The following CDH1 variants were observed in gnomAD, a reference collection of about 807,000 sequenced individuals.
CDH1 encodes the protein cadherin 1, also known as cadherin-1.
CDH1 carries 35 observed loss-of-function variants against 84.5 expected under a neutral mutation model. The ratio of observed to expected loss-of-function variants is 0.41; its 90% CI spans 0.32 to 0.55. The LOEUF (loss-of-function observed/expected upper bound fraction) is 0.55, where lower values mean the gene tolerates loss of function less well. Ranked by LOEUF, CDH1 falls within the 20% of genes least tolerant of loss-of-function variation. CDH1 has a pLI of 0.19. For synonymous variants in CDH1, 417 were observed against 439.0 expected, an observed-to-expected ratio of 0.95 and a Z score of 0.63; for missense variants, 994 against 1,126.6, an observed-to-expected ratio of 0.88 and a Z score of 1.68.
chr16:68,773,337 C>T (rs955805245), intron 2 of CDH1, among the ~76,000 whole-genome samples: 1 of 150,258 alleles, frequency 6.7e-6, no homozygotes, highest in African/African-American at 2.5e-5. Context: ...TGCTCTGTCA[C>T]CCAGGCTGGA....
At chr16:68,822,261 C>T (rs1310244130) in intron 12 of CDH1, 36 bp downstream of exon 12, 3 of 1,407,894 alleles carry the variant, frequency 2.1e-6, no homozygotes, top group Admixed American at 1.7e-5. Flanking sequence ...AACTTTGCTC[C>T]AACTGCCATG....
At chr16:68,748,391 C>G (rs1040089463) in intron 2 of CDH1, among the ~76,000 whole-genome samples, 2 of 152,210 alleles carry the variant, frequency 1.3e-5, no homozygotes, top group Non-Finnish European at 2.9e-5. Context: ...GAGGCGTGAG[C>G]CACCATGTCC....
At position 68,762,912 on chromosome 16, in the gene CDH1, C is replaced by CA. The variant is rs55899466; in HGVS notation, c.163+24532dup. Among the ~76,000 whole-genome samples the CA allele has an allele frequency of 4.2e-3, 257 of 61,478 alleles. 16 individuals carry two copies. The highest frequency in any genetic ancestry group is 0.01 in the East Asian group (16 of 1,592). 40.3% of individuals were successfully genotyped at this position (61,478 alleles called of 152,430 possible). A position where few individuals can be genotyped will look rare whatever the true frequency, so the allele number is the denominator to read the frequency against. ...TCGGCAACAGAGCAAGATTCCGTCT[C>CA]AAAAAAAAAAAAAAAAAAAAAAAAA... is the stretch of plus-strand genomic sequence containing the variant. On this transcript the variant is annotated intron_variant, in intron 2 of 15. Coordinates refer to ENST00000261769, the MANE Select transcript of CDH1 (RefSeq NM_004360.5).
At chr16:68,797,453 C>T (rs371962495) in intron 2 of CDH1, among the ~76,000 whole-genome samples, 3 of 151,948 alleles carry the variant, frequency 2.0e-5, no homozygotes, top group African/African-American at 7.3e-5. Flanking sequence ...GAGGCCAAAG[C>T]GGGAAGATGG....
intron 2 of CDH1, among the ~76,000 whole-genome samples, chr16:68,756,593 A>T (rs751048930): frequency 1.3e-5 from 2 of 152,188 alleles, no homozygotes; most frequent in African/African-American, 4.8e-5. Flanking sequence ...GGTGACGTTC[A>T]TGTGGCTGGT....
chr16:68,769,299 A>C (rs1380200124), intron 2 of CDH1, among the ~76,000 whole-genome samples: 1 of 152,154 alleles, frequency 6.6e-6, no homozygotes, highest in Non-Finnish European at 1.5e-5. Flanking sequence ...TGTTTCATAC[A>C]GTTAGATTTA....
At chr16:68,808,214 G>A (rs111858802) in intron 3 of CDH1, among the ~76,000 whole-genome samples, 152 of 152,300 alleles carry the variant, frequency 1.0e-3, no homozygotes, top group African/African-American at 3.6e-3. Flanking sequence ...CAGTCTTTAC[G>A]ATATAGCAAA....
At chr16:68,822,272 C>A (rs2152138708) in intron 12 of CDH1, 47 bp downstream of exon 12, 3 of 1,267,330 alleles carry the variant, frequency 2.4e-6, no homozygotes, top group African/African-American at 1.5e-5. Flanking sequence ...AACTGCCATG[C>A]TTCCCTTCCC....
chr16:68,788,635 A>G (rs1960129985), intron 2 of CDH1, among the ~76,000 whole-genome samples: 1 of 152,072 alleles, frequency 6.6e-6, no homozygotes, highest in South Asian at 2.1e-4. Flanking sequence ...TACCCATCCT[A>G]ATTACTTTTT....
chr16:68,828,188 CT>C lies in CDH1; in HGVS notation c.2180del (p.Leu727ProfsTer43). ...ILALLILILL[L>X]LLFLRRRAVV... ...CACCATCCCAGTTCTGATTCTGCTGCTCTTGCTGTTTCTTCGGAGGAGAGCG... is the reference window on the plus strand; with the variant it reads ...CACCATCCCAGTTCTGATTCTGCTGCCTTGCTGTTTCTTCGGAGGAGAGCG... On this transcript the variant is annotated frameshift_variant, in exon 14 of 16. Coordinates refer to ENST00000261769, the MANE Select transcript of CDH1 (RefSeq NM_004360.5). LOFTEE classifies it high-confidence loss of function. The C allele has an allele frequency of 6.2e-7, 1 of 1,613,944 alleles. No homozygotes were observed. Among genetic ancestry groups the C allele is most frequent in the Non-Finnish European group, 8.5e-7 (1 of 1,179,892 alleles).
chr16:68,809,226 CT>C lies in CDH1; in HGVS notation c.687+394del, dbSNP rs536314715. Among the ~76,000 whole-genome samples the C allele has an allele frequency of 4.4e-3, 593 of 135,294 alleles. 1 individual carries two copies. Among genetic ancestry groups the C allele is most frequent in the Admixed American group, 4.5e-3 (61 of 13,424 alleles). The allele number at this position is 135,294 out of a possible 152,430, so 88.8% of individuals were successfully genotyped here. A position where few individuals can be genotyped will look rare whatever the true frequency, so the allele number is the denominator to read the frequency against. On this transcript the variant is annotated intron_variant, in intron 5 of 15. Transcript: ENST00000261769. ...CAAGAGCTTAGGAAAACCAAGAGGTCTTTTTTTTTTTTTTTTGAGATAGGGT... is the reference window on the plus strand; with the variant it reads ...CAAGAGCTTAGGAAAACCAAGAGGTCTTTTTTTTTTTTTTTGAGATAGGGT...
chr16:68,813,602 G>A, intron 9 of CDH1, 107 bp downstream of exon 9: 2 of 1,124,962 alleles, frequency 1.8e-6, no homozygotes, highest in Non-Finnish European at 2.7e-6. Flanking sequence ...CAGGGGGACA[G>A]GGTGACTTTC....
intron 2 of CDH1, among the ~76,000 whole-genome samples, chr16:68,741,695 T>C (rs1289565655): frequency 6.6e-6 from 1 of 152,070 alleles, no homozygotes; most frequent in Non-Finnish European, 1.5e-5. Context: ...AGTTTTTGTT[T>C]TGAGACGGAG....
At chr16:68,789,125 G>A (rs1960144450) in intron 2 of CDH1, among the ~76,000 whole-genome samples, 2 of 152,156 alleles carry the variant, frequency 1.3e-5, no homozygotes, top group Admixed American at 1.3e-4. Context: ...CCCAGCTCAA[G>A]TGATCCTCCT....
chr16:68,756,161 G>A (rs534542758), intron 2 of CDH1, among the ~76,000 whole-genome samples: 2 of 146,978 alleles, frequency 1.4e-5, no homozygotes, highest in African/African-American at 2.5e-5. Context: ...GCATGTATAC[G>A]AGTGTTCCTA....
At chr16:68,779,887 G>A (rs540856469) in intron 2 of CDH1, among the ~76,000 whole-genome samples, 22 of 152,188 alleles carry the variant, frequency 1.4e-4, no homozygotes, top group African/African-American at 5.3e-4. Context: ...GGAGGCAACT[G>A]AGGCCACAGT....
chr16:68,803,593 A>G (rs2011779), intron 3 of CDH1, among the ~76,000 whole-genome samples: 46,998 of 151,850 alleles, frequency 0.31, 8,374 homozygotes, highest in Middle Eastern at 0.46. Context: ...GATGGGTTTC[A>G]TCATGTTGGC....
chr16:68,746,399 T>C (rs927034686), intron 2 of CDH1, among the ~76,000 whole-genome samples: 7 of 152,262 alleles, frequency 4.6e-5, no homozygotes, highest in African/African-American at 1.4e-4. Context: ...CACCCTAGCC[T>C]GGGCAACAGA....
In CDH1 at chr16:68,833,873, T is replaced by C; in HGVS notation, c.*374T>C. On this transcript the variant is annotated 3_prime_UTR_variant, in exon 16 of 16. Coordinates refer to ENST00000261769, the MANE Select transcript of CDH1 (RefSeq NM_004360.5). Reference sequence around the variant, plus strand: ...TTTAAAAAGAAGGGGAGAAGTCAGCTACTCTAGTTCTGTTGTTTTGTGTAT... The same window carrying C: ...TTTAAAAAGAAGGGGAGAAGTCAGCCACTCTAGTTCTGTTGTTTTGTGTAT... 1 of 382,832 alleles carries C rather than the reference T, an allele frequency of 2.6e-6. No homozygotes were observed. The highest frequency in any genetic ancestry group is 4.5e-5 in the East Asian group (1 of 22,322). 23.7% of individuals were successfully genotyped at this position (382,832 alleles called of 1,614,324 possible). A position where few individuals can be genotyped will look rare whatever the true frequency, so the allele number is the denominator to read the frequency against.
Sources: allele counts gnomAD v4.1 joint callset (sites outside exome capture counted in the v4.1 genomes callset), GRCh38; gene constraint gnomAD v4.1.1; transcripts MANE v1.5; gene names NCBI Gene and HGNC (gene_info 2026-07-23, HGNC 2026-07-21).